Variants in HS6ST3 observed in about 807,000 individuals in gnomAD.
HS6ST3 encodes heparan-sulfate 6-O-sulfotransferase 3.
A neutral mutation model predicts 36.7 loss-of-function variants in HS6ST3; 12 were observed. The observed-to-expected ratio is 0.33, with a 90% CI of 0.21 to 0.53. The LOEUF (loss-of-function observed/expected upper bound fraction) is 0.53, where lower values mean the gene tolerates loss of function less well. Among genes scored for constraint, HS6ST3 ranks in the 20% least tolerant of loss-of-function variants. The pLI, the probability that HS6ST3 is intolerant of heterozygous loss-of-function variation, is 0.95. For missense variants in HS6ST3, 584 were observed against 640.9 expected (o/e 0.91, Z 0.96); for synonymous variants, 240 against 257.5 (o/e 0.93, Z 0.65).
At chr13:96,578,391 G>C (rs1000199137) in intron 1 of HS6ST3, among the ~76,000 whole-genome samples, 1 of 152,154 alleles carries the variant, frequency 6.6e-6, no homozygotes, top group Non-Finnish European at 1.5e-5. Context: ...GAAGCTCCGA[G>C]CTGAAGCTGA....
chr13:96,638,219 A>G (rs1052679742), intron 1 of HS6ST3, among the ~76,000 whole-genome samples: 1 of 152,114 alleles, frequency 6.6e-6, no homozygotes, highest in Non-Finnish European at 1.5e-5. Flanking sequence ...CCACACTGTA[A>G]AAAGTCCTGT....
chr13:96,772,742 G>C (rs1270815862), intron 1 of HS6ST3, among the ~76,000 whole-genome samples: 2 of 152,210 alleles, frequency 1.3e-5, no homozygotes, highest in Non-Finnish European at 2.9e-5. Context: ...ATTTCTGCAA[G>C]TTATTGTAAT....
rs1427536288 is a variant in HS6ST3, at chr13:96,837,955, A to G, written c.*4757A>G. On this transcript the variant is annotated 3_prime_UTR_variant, in exon 2 of 2. Coordinates refer to ENST00000376705, the MANE Select transcript of HS6ST3 (RefSeq NM_153456.4). Reference sequence around the variant, plus strand: ...TTCTTAAAGGTTTCATTGGCTGTTAAATGAGTCCCTTTGCATACTCACTGG... The same window carrying G: ...TTCTTAAAGGTTTCATTGGCTGTTAGATGAGTCCCTTTGCATACTCACTGG... 1 of 152,210 alleles carries G rather than the reference A, an allele frequency of 6.6e-6. No homozygotes were observed. Among genetic ancestry groups the G allele is most frequent in the Non-Finnish European group, 1.5e-5 (1 of 68,036 alleles). The allele number at this position is 152,210 out of a possible 1,614,324, so 9.4% of individuals were successfully genotyped here.
intron 1 of HS6ST3, among the ~76,000 whole-genome samples, chr13:96,170,905 A>T (rs1011498966): frequency 1.2e-4 from 19 of 152,260 alleles, no homozygotes; most frequent in Non-Finnish European, 2.1e-4. Flanking sequence ...CAAGGGGTTT[A>T]TATTATTTAA....
rs1226745308 is a variant in HS6ST3, at chr13:96,806,568, G to GTT, written c.708-25921_708-25920dup. Among the ~76,000 whole-genome samples, 34 of 152,316 alleles carry GTT rather than the reference G, an allele frequency of 2.2e-4. No individual in the cohort carries two copies. In the South Asian group the frequency reaches 7.0e-3, roughly 32 times the overall value. On this transcript the variant is annotated intron_variant, in intron 1 of 1. Transcript: ENST00000376705. ...AGGAATAATATTAGGATCTAGTCAAGTTATTGTCACAATAATCTGCTTGGG... is the reference window on the plus strand; with the variant it reads ...AGGAATAATATTAGGATCTAGTCAAGTTTTATTGTCACAATAATCTGCTTGGG...
chr13:96,196,249 A>G (rs1327631), intron 1 of HS6ST3, among the ~76,000 whole-genome samples: 12 of 151,840 alleles, frequency 7.9e-5, no homozygotes, highest in African/African-American at 2.7e-4. Flanking sequence ...ACTCAAATCT[A>G]TCTTCTTATC....
At chr13:96,670,662 A>C (rs1053336365) in intron 1 of HS6ST3, among the ~76,000 whole-genome samples, 2 of 152,292 alleles carry the variant, frequency 1.3e-5, no homozygotes, top group African/African-American at 2.4e-5. Context: ...AGATGAAGGT[A>C]AGCCTAGAGA....
chr13:96,629,853 T>G (rs983498295), intron 1 of HS6ST3, among the ~76,000 whole-genome samples: 2 of 152,144 alleles, frequency 1.3e-5, no homozygotes, highest in African/African-American at 4.8e-5. Flanking sequence ...CTACCAATTT[T>G]ATTCATTAGC....
At chr13:96,714,349 G>A (rs2138463466) in intron 1 of HS6ST3, among the ~76,000 whole-genome samples, 1 of 152,208 alleles carries the variant, frequency 6.6e-6, no homozygotes, top group Non-Finnish European at 1.5e-5. Context: ...TAAAGAGTAG[G>A]ATAAGCATAA....
rs570905272 is a variant in HS6ST3, at chr13:96,748,623, T to C, written c.708-83867T>C. Among the ~76,000 whole-genome samples, 3 of 152,182 alleles carry C rather than the reference T, an allele frequency of 2.0e-5. No homozygotes were observed. In the South Asian group the frequency reaches 6.2e-4, roughly 32 times the overall value. The stretch of plus-strand genomic sequence containing the variant: ...TATACTTTTCCATAAATGTTTTGCC[T>C]GGTCTCACCCACTACAATGTAAATG... On this transcript the variant is annotated intron_variant, in intron 1 of 1. Transcript: ENST00000376705.
At chr13:96,292,164 A>C (rs1479952321) in intron 1 of HS6ST3, among the ~76,000 whole-genome samples, 1 of 152,048 alleles carries the variant, frequency 6.6e-6, no homozygotes, top group Admixed American at 6.6e-5. Flanking sequence ...TTTAGGATAC[A>C]TTTAGCATAA....
intron 1 of HS6ST3, among the ~76,000 whole-genome samples, chr13:96,507,664 T>C (rs1227531549): frequency 6.6e-6 from 1 of 152,016 alleles, no homozygotes; most frequent in East Asian, 1.9e-4. Context: ...ATTTTATTAA[T>C]AATAATAACA....
intron 1 of HS6ST3, among the ~76,000 whole-genome samples, chr13:96,358,135 T>C (rs543028170): frequency 6.6e-4 from 101 of 152,250 alleles, no homozygotes; most frequent in African/African-American, 2.4e-3. Flanking sequence ...TGGAAATCTC[T>C]TTTAAAAAAT....
chr13:96,315,868 G>C (rs1471910528), intron 1 of HS6ST3, among the ~76,000 whole-genome samples: 1 of 152,062 alleles, frequency 6.6e-6, no homozygotes, highest in Non-Finnish European at 1.5e-5. Flanking sequence ...AAGTCAGTGG[G>C]TTTTCTTTAT....
At chr13:96,092,292 G>A (rs1328879837) in intron 1 of HS6ST3, among the ~76,000 whole-genome samples, 1 of 152,150 alleles carries the variant, frequency 6.6e-6, no homozygotes, top group Non-Finnish European at 1.5e-5. Flanking sequence ...GCCTGACAGT[G>A]TGCTAGGTGT....
intron 1 of HS6ST3, among the ~76,000 whole-genome samples, chr13:96,797,971 A>C (rs1018011140): frequency 1.3e-5 from 2 of 151,902 alleles, no homozygotes; most frequent in Non-Finnish European, 2.9e-5. Context: ...CTCCTACACC[A>C]CACTTCTGAT....
chr13:96,466,422 C>T (rs763998215), intron 1 of HS6ST3, among the ~76,000 whole-genome samples: 18 of 152,148 alleles, frequency 1.2e-4, no homozygotes, highest in Non-Finnish European at 1.8e-4. Flanking sequence ...TTTTGACAAA[C>T]GTCTCTCCAT....
intron 1 of HS6ST3, among the ~76,000 whole-genome samples, chr13:96,679,369 C>G (rs2056710392): frequency 6.6e-6 from 1 of 151,870 alleles, no homozygotes; most frequent in Non-Finnish European, 1.5e-5. Context: ...GTTTAAAGCC[C>G]ACTGCCACAT....
At chr13:96,648,116 T>C (rs2056595018) in intron 1 of HS6ST3, among the ~76,000 whole-genome samples, 1 of 152,064 alleles carries the variant, frequency 6.6e-6, no homozygotes, top group African/African-American at 2.4e-5. Flanking sequence ...TAGCTCAAAA[T>C]TGGCCATGAT....
Sources: gnomAD v4.1 joint callset for allele counts (sites outside exome capture counted in the v4.1 genomes callset) on GRCh38, gnomAD v4.1.1 for gene constraint, MANE v1.5 for transcripts, NCBI Gene and HGNC (gene_info 2026-07-23, HGNC 2026-07-21) for gene names.